The following KPNA7 variants were observed in gnomAD, a reference collection of about 807,000 sequenced individuals.
KPNA7 encodes importin subunit alpha-8.
Under a neutral mutation model 53.7 loss-of-function variants are expected in KPNA7, and 54 were observed. The observed-to-expected ratio is 1.01, with a 90% CI of 0.81 to 1.26. The LOEUF (loss-of-function observed/expected upper bound fraction) is 1.26, where lower values mean the gene tolerates loss of function less well. KPNA7 is among the 50% of genes most tolerant of loss of function. KPNA7 has a pLI of 0.00. For synonymous variants in KPNA7, 276 were observed against 259.3 expected, an observed-to-expected ratio of 1.06 and a Z score of -0.62; for missense variants, 640 against 644.5, an observed-to-expected ratio of 0.99 and a Z score of 0.07.
intron 1 of KPNA7, among the ~76,000 whole-genome samples, chr7:99,215,717 G>A (rs1791202218): frequency 6.6e-6 from 1 of 152,126 alleles, no homozygotes; most frequent in Non-Finnish European, 1.5e-5. Context: ...GCCAGGCAGA[G>A]GCTCATGCCC....
chr7:99,158,662 C>A, the KPNA7 span, among the ~76,000 whole-genome samples: 1 of 151,946 alleles, frequency 6.6e-6, no homozygotes, highest in African/African-American at 2.4e-5. Flanking sequence ...CACCACCATG[C>A]CCAGCTAATT....
intron 3 of KPNA7, among the ~76,000 whole-genome samples, chr7:99,202,526 T>G (rs1790592321): frequency 1.3e-5 from 2 of 152,004 alleles, no homozygotes; most frequent in South Asian, 4.2e-4. Flanking sequence ...GGCTTAGGGA[T>G]AGCAAGTAAA....
intron 1 of KPNA7, among the ~76,000 whole-genome samples, chr7:99,216,112 C>T (rs879915465): frequency 2.0e-5 from 3 of 152,128 alleles, no homozygotes; most frequent in Non-Finnish European, 4.4e-5. Context: ...ACTACAGCCT[C>T]GACTTTCTGG....
the KPNA7 span, among the ~76,000 whole-genome samples, chr7:99,162,577 CT>C: frequency 6.6e-6 from 1 of 152,032 alleles, no homozygotes; most frequent in African/African-American, 2.4e-5. Context: ...CAAATTGCTC[CT>C]TTTTTTAAAC....
chr7:99,192,700 T>G (rs191497670), intron 6 of KPNA7, among the ~76,000 whole-genome samples: 1 of 152,334 alleles, frequency 6.6e-6, no homozygotes, highest in East Asian at 1.9e-4. Flanking sequence ...TGAGCCACCA[T>G]GCCCAGTCTT....
chr7:99,191,445 A>G (rs1046862373), intron 6 of KPNA7, among the ~76,000 whole-genome samples: 1 of 152,130 alleles, frequency 6.6e-6, no homozygotes, highest in Non-Finnish European at 1.5e-5. Flanking sequence ...TCTCTCTGCT[A>G]TATAATTCTA....
intron 3 of KPNA7, among the ~76,000 whole-genome samples, chr7:99,201,662 C>CAAAAAAAAA (rs111393769): frequency 1.6e-5 from 2 of 122,894 alleles, no homozygotes; most frequent in African/African-American, 3.0e-5. Context: ...GACTCTGTCT[C>CAAAAAAAAA]AAAAAAAAAA....
In KPNA7 at chr7:99,196,108, C is replaced by T; in HGVS notation, c.260G>A (p.Cys87Tyr). The change falls in exon 4 of 11, where the codon TGT (cysteine) becomes TAT (tyrosine). Residue 87 changes from cysteine (C) to tyrosine (Y), a missense_variant. Coordinates refer to ENST00000327442, the MANE Select transcript of KPNA7 (RefSeq NM_001145715.3). ...CCTGGCTGTCTGGGTGGCCTGGAAACATAGGACTGGATCTGAGCTATTCAC... is the reference window on the plus strand; with the variant it reads ...CCTGGCTGTCTGGGTGGCCTGGAAATATAGGACTGGATCTGAGCTATTCAC... The part of the protein sequence containing the change: ...KGVNSSDPVL[C>Y]FQATQTARKM... The T allele has an allele frequency of 6.4e-7, 1 of 1,551,852 alleles. No homozygotes were observed. Among genetic ancestry groups the T allele is most frequent in the Non-Finnish European group, 8.7e-7 (1 of 1,147,006 alleles).
the KPNA7 span, among the ~76,000 whole-genome samples, chr7:99,167,458 C>A: frequency 2.6e-5 from 4 of 152,056 alleles, no homozygotes; most frequent in Admixed American, 2.0e-4. Flanking sequence ...GGGATCTAGA[C>A]TGCATACTCC....
chr7:99,157,517 C>T, the KPNA7 span, among the ~76,000 whole-genome samples: 1 of 152,142 alleles, frequency 6.6e-6, no homozygotes, highest in Non-Finnish European at 1.5e-5. Context: ...CCCCGATTTT[C>T]TTCTTGTGTC....
rs36042018 is a variant in KPNA7, at chr7:99,187,555, A to ATTT, written c.900+742_900+744dup. On this transcript the variant is annotated intron_variant, in intron 7 of 10. Coordinates refer to ENST00000327442, the MANE Select transcript of KPNA7 (RefSeq NM_001145715.3). ...AGGTATGCACCACCACACCCAGCTA[A>ATTT]TTTTTTTTTTTTTTTTTTGAGATGG... Among the ~76,000 whole-genome samples the ATTT allele has an allele frequency of 8.0e-3, 998 of 124,392 alleles. 25 individuals are homozygous for ATTT. Among genetic ancestry groups the ATTT allele is most frequent in the South Asian group, 0.015 (54 of 3,698 alleles). The allele number at this position is 124,392 out of a possible 152,430, so 81.6% of individuals were successfully genotyped here. A position where few individuals can be genotyped will look rare whatever the true frequency, so the allele number is the denominator to read the frequency against.
chr7:99,192,607 A>G (rs946816633), intron 6 of KPNA7, among the ~76,000 whole-genome samples: 1 of 151,992 alleles, frequency 6.6e-6, no homozygotes, highest in African/African-American at 2.4e-5. Context: ...GCATGGTCTC[A>G]CTATGTTGCC....
At chr7:99,160,092 C>T in the KPNA7 span, among the ~76,000 whole-genome samples, 136,206 of 146,286 alleles carry the variant, frequency 0.93, 63,533 homozygotes, top group East Asian at 1. Flanking sequence ...TGGTACGATC[C>T]TGGCTCACTG....
chr7:99,194,126 G>A lies in KPNA7; in HGVS notation c.553+944C>T, dbSNP rs551430794. 1.2e-4 allele frequency among the ~76,000 whole-genome samples: 19 copies of A among 152,130 alleles called. No individual in the cohort carries two copies. The South Asian group carries it at 1.9e-3, about 15-fold the overall frequency. On this transcript the variant is annotated intron_variant, in intron 5 of 10. Transcript: ENST00000327442. ...TCTGAACTTGAAAATGCTAATAGTC[G>A]GCTGATCTTAATTTGTCAAAATCCT...
intron 7 of KPNA7, among the ~76,000 whole-genome samples, chr7:99,185,788 T>TTTTG (rs71515264): frequency 0.085 from 12,904 of 152,014 alleles, 600 homozygotes; most frequent in Middle Eastern, 0.12. Context: ...GACGATAGTG[T>TTTTG]TTTGTTTGTT....
At chr7:99,216,594 C>T (rs957590869) in intron 1 of KPNA7, among the ~76,000 whole-genome samples, 4 of 152,100 alleles carry the variant, frequency 2.6e-5, no homozygotes, top group Non-Finnish European at 5.9e-5. Context: ...TGGAGTCTGG[C>T]TCTGTCGCCC....
the KPNA7 span, among the ~76,000 whole-genome samples, chr7:99,157,358 C>T: frequency 3.9e-5 from 6 of 152,002 alleles, no homozygotes; most frequent in East Asian, 3.9e-4. Context: ...TACAGGCATG[C>T]GCCACCACAC....
At chr7:99,162,346 G>T in the KPNA7 span, among the ~76,000 whole-genome samples, 1 of 152,084 alleles carries the variant, frequency 6.6e-6, no homozygotes, top group African/African-American at 2.4e-5. Flanking sequence ...GCCCAGCTGA[G>T]AATTGCATTC....
rs75565144 is a variant in KPNA7 at position 99,189,959 on chromosome 7, T to C, written c.637-1396A>G. On this transcript the variant is annotated intron_variant, in intron 6 of 10. Coordinates refer to ENST00000327442, the MANE Select transcript of KPNA7 (RefSeq NM_001145715.3). ...GGGTTAGGGATGGGAATCAGCTCCT[T>C]CCAAGTCACCAAACACAGCAGCTGC... Among the ~76,000 whole-genome samples, 481 of 152,154 alleles carry C rather than the reference T, an allele frequency of 3.2e-3. 4 individuals are homozygous for C. In the East Asian group the frequency reaches 0.05, roughly 16 times the overall value.
Sources: gnomAD v4.1 joint callset for allele counts (sites outside exome capture counted in the v4.1 genomes callset) on GRCh38, gnomAD v4.1.1 for gene constraint, MANE v1.5 for transcripts, NCBI Gene and HGNC (gene_info 2026-07-23, HGNC 2026-07-21) for gene names.